Variants in IQCM observed in about 807,000 individuals in gnomAD.
IQCM encodes IQ motif containing M.
In IQCM, 45 loss-of-function variants were observed where a neutral mutation model predicts 57.6. The observed-to-expected ratio is 0.78, with a 90% CI of 0.62 to 1.00. IQCM has a LOEUF of 1.00. IQCM is among the 50% of genes least tolerant of loss of function. IQCM has a pLI of 0.00. For missense variants in IQCM, 468 were observed against 511.6 expected (o/e 0.91, Z 0.82); for synonymous variants, 148 against 158.9 (o/e 0.93, Z 0.51).
At chr4:149,630,855 CACTT>C (rs1199120203) in intron 7 of IQCM, among the ~76,000 whole-genome samples, 1 of 151,976 alleles carries the variant, frequency 6.6e-6, no homozygotes, top group Non-Finnish European at 1.5e-5. Flanking sequence ...ATGCAGAAAA[CACTT>C]AATATAGCAA....
chr4:149,617,449 T>C (rs1299078965), intron 8 of IQCM, among the ~76,000 whole-genome samples: 1 of 152,150 alleles, frequency 6.6e-6, no homozygotes, highest in East Asian at 1.9e-4. Context: ...TTGAATATCA[T>C]TCTCTCATAT....
At chr4:149,681,359 T>C (rs1244773611) in intron 7 of IQCM, among the ~76,000 whole-genome samples, 1 of 151,264 alleles carries the variant, frequency 6.6e-6, no homozygotes, top group Non-Finnish European at 1.5e-5. Context: ...AATACATCTA[T>C]TGCATATCTT....
At chr4:149,480,524 T>G (rs1376795445) in intron 12 of IQCM, among the ~76,000 whole-genome samples, 1 of 152,198 alleles carries the variant, frequency 6.6e-6, no homozygotes, top group Non-Finnish European at 1.5e-5. Flanking sequence ...TATTGGTATT[T>G]CTGTGCCTGG....
chr4:149,627,731 G>A (rs1189086959), intron 7 of IQCM, among the ~76,000 whole-genome samples: 1 of 152,096 alleles, frequency 6.6e-6, no homozygotes, highest in African/African-American at 2.4e-5. Context: ...ACCTATAAAT[G>A]TTATTAGCTT....
chr4:149,512,260 TG>T (rs200085893), intron 12 of IQCM, among the ~76,000 whole-genome samples: 4 of 151,980 alleles, frequency 2.6e-5, no homozygotes, highest in South Asian at 4.2e-4. Flanking sequence ...TTATAGGGGT[TG>T]GGGGGGCAGT....
At chr4:149,744,416 T>G (rs771071630) in intron 2 of IQCM, among the ~76,000 whole-genome samples, 1 of 152,184 alleles carries the variant, frequency 6.6e-6, no homozygotes, top group Non-Finnish European at 1.5e-5. Context: ...TTTTCTTGTT[T>G]TAATTTCCAC....
intron 9 of IQCM, among the ~76,000 whole-genome samples, chr4:149,582,114 A>G (rs1752242640): frequency 6.6e-6 from 1 of 150,906 alleles, no homozygotes; most frequent in South Asian, 2.1e-4. Flanking sequence ...AAAATTCTAT[A>G]GAAGGAGGTA....
At chr4:149,772,060 G>C (rs183021792) in intron 2 of IQCM, among the ~76,000 whole-genome samples, 38 of 152,240 alleles carry the variant, frequency 2.5e-4, no homozygotes, top group African/African-American at 8.2e-4. Context: ...GCCTTTTAGA[G>C]AGGTAACTCT....
intron 12 of IQCM, among the ~76,000 whole-genome samples, chr4:149,486,344 C>T (rs1741510807): frequency 6.6e-6 from 1 of 151,644 alleles, no homozygotes; most frequent in South Asian, 2.1e-4. Flanking sequence ...AGCTGGCACC[C>T]ACACCATAGT....
At chr4:149,435,467 C>T (rs1285032653) in intron 12 of IQCM, among the ~76,000 whole-genome samples, 1 of 151,762 alleles carries the variant, frequency 6.6e-6, no homozygotes, top group African/African-American at 2.4e-5. Context: ...ACAGAACATG[C>T]AACTATTTAC....
At chr4:149,479,003 A>C (rs1212959818) in intron 12 of IQCM, among the ~76,000 whole-genome samples, 1 of 152,088 alleles carries the variant, frequency 6.6e-6, no homozygotes, top group Non-Finnish European at 1.5e-5. Context: ...TTAGTTGATG[A>C]TGATTAGAGT....
chr4:149,511,889 T>G (rs1744461735), intron 12 of IQCM, among the ~76,000 whole-genome samples: 2 of 152,214 alleles, frequency 1.3e-5, no homozygotes, highest in African/African-American at 2.4e-5. Context: ...CCTGTGTTTA[T>G]TGCTCTTAAT....
chr4:149,746,931 G>A (rs996457124), intron 2 of IQCM, among the ~76,000 whole-genome samples: 1 of 152,148 alleles, frequency 6.6e-6, no homozygotes, highest in Non-Finnish European at 1.5e-5. Context: ...TTCTGGTCAT[G>A]TCCCTAGTTG....
chr4:149,778,098 C>T (rs1381269171), intron 2 of IQCM, among the ~76,000 whole-genome samples: 4 of 152,120 alleles, frequency 2.6e-5, no homozygotes, highest in Non-Finnish European at 5.9e-5. Flanking sequence ...ATGAATTGGC[C>T]GGGCGCGGTG....
At chr4:149,493,045 T>TA (rs1742263466) in intron 12 of IQCM, among the ~76,000 whole-genome samples, 1 of 152,022 alleles carries the variant, frequency 6.6e-6, no homozygotes, top group Non-Finnish European at 1.5e-5. Context: ...GTATAAGACT[T>TA]ACTTATGATG....
intron 12 of IQCM, among the ~76,000 whole-genome samples, chr4:149,491,599 T>C (rs1742102771): frequency 1.3e-5 from 2 of 152,168 alleles, no homozygotes; most frequent in Admixed American, 1.3e-4. Context: ...TTCCTTCTTC[T>C]TAAAGGTGAA....
intron 13 of IQCM, among the ~76,000 whole-genome samples, chr4:149,355,409 A>G (rs1487231952): frequency 2.9e-5 from 3 of 103,136 alleles, no homozygotes; most frequent in African/African-American, 3.9e-5. Flanking sequence ...CCACCCCACA[A>G]CAGGCCCCAG....
Position 149,433,432 on chromosome 4 carries a change from G to T in IQCM, c.1354C>A (p.Pro452Thr). The T allele has an allele frequency of 1.3e-5, 16 of 1,226,420 alleles. No homozygotes were observed. Among genetic ancestry groups the T allele is most frequent in the Non-Finnish European group, 1.6e-5 (16 of 983,226 alleles). 76.0% of individuals were successfully genotyped at this position (1,226,420 alleles called of 1,614,324 possible). A position where few individuals can be genotyped will look rare whatever the true frequency, so the allele number is the denominator to read the frequency against. Residue 452 changes from proline to threonine, a missense_variant, in exon 13 of 14, where the codon CCC (proline) becomes ACC (threonine). Coordinates refer to ENST00000636793, the MANE Select transcript of IQCM (RefSeq NM_001363507.2). ...TAACCTTCTTCCCCATTTACTATGGGTCTCAACCAAGTCGACTTGAGTAGT... is the reference window on the plus strand; with the variant it reads ...TAACCTTCTTCCCCATTTACTATGGTTCTCAACCAAGTCGACTTGAGTAGT... ...STLLKSTWLRPIVNGEEGYRY... is the reference protein window; with the variant it reads ...STLLKSTWLRTIVNGEEGYRY...
At chr4:149,391,669 G>T (rs1033474963) in intron 13 of IQCM, among the ~76,000 whole-genome samples, 1 of 151,830 alleles carries the variant, frequency 6.6e-6, no homozygotes, top group African/African-American at 2.4e-5. Flanking sequence ...GTTTCAGTAT[G>T]TTGTATTTTT....
Sources: allele counts gnomAD v4.1 joint callset (sites outside exome capture counted in the v4.1 genomes callset), GRCh38; gene constraint gnomAD v4.1.1; transcripts MANE v1.5; gene names NCBI Gene and HGNC (gene_info 2026-07-23, HGNC 2026-07-21).